DDC: variants seen among roughly 807,000 people sequenced by gnomAD.
DDC encodes the protein dopa decarboxylase.
In DDC, 43 loss-of-function variants were observed where a neutral mutation model predicts 60.0. That is an observed-to-expected ratio of 0.72 (90% CI 0.56 to 0.92). The LOEUF is 0.92. DDC is among the 40% of genes least tolerant of loss of function. DDC has a pLI of 0.00. For missense variants in DDC, 573 were observed against 620.2 expected, an observed-to-expected ratio of 0.92 and a Z score of 0.81; for synonymous variants, 232 against 234.6, an observed-to-expected ratio of 0.99 and a Z score of 0.10.
intron 6 of DDC, 49 bp downstream of exon 6, chr7:50,528,088 A>G (rs777022855): frequency 1.6e-5 from 26 of 1,603,834 alleles, no homozygotes; most frequent in Non-Finnish European, 2.0e-5. Flanking sequence ...TTTAGTAGAG[A>G]CGGAGTTTCA....
rs1196743969 is a variant in DDC at position 50,540,033 on chromosome 7, A to G, written c.202-5T>C. On this transcript the variant is annotated splice_region_variant and splice_polypyrimidine_tract_variant and intron_variant, in intron 2 of 14. Coordinates refer to ENST00000444124, the MANE Select transcript of DDC (RefSeq NM_001082971.2). ...GGGGCTGTGCCAGTGCGTCACCTGCATGGGAGGACAGAGCAGCTGCTGAGG... is the reference window on the plus strand; with the variant it reads ...GGGGCTGTGCCAGTGCGTCACCTGCGTGGGAGGACAGAGCAGCTGCTGAGG... 2 of 1,608,074 alleles carry G rather than the reference A, an allele frequency of 1.2e-6. No individual in the cohort carries two copies. The highest frequency in any genetic ancestry group is 1.7e-5 in the Admixed American group (1 of 59,788).
chr7:50,474,526 G>A (rs186868408), intron 11 of DDC, among the ~76,000 whole-genome samples: 1 of 152,200 alleles, frequency 6.6e-6, no homozygotes, highest in Non-Finnish European at 1.5e-5. Flanking sequence ...TCCTGCAGGC[G>A]GGTGCCAGTA....
intron 3 of DDC, 89 bp from the exon 4 acceptor site, chr7:50,538,068 T>G: frequency 6.7e-7 from 1 of 1,500,802 alleles, no homozygotes; most frequent in South Asian, 1.1e-5. Context: ...AACCTTCCAC[T>G]AAAGCCCAGA....
intron 1 of DDC, among the ~76,000 whole-genome samples, chr7:50,551,257 G>A (rs978709594): frequency 6.7e-6 from 1 of 148,170 alleles, no homozygotes; most frequent in African/African-American, 2.5e-5. Flanking sequence ...TTGAGACGGG[G>A]CCTCACTCTG....
intron 4 of DDC, among the ~76,000 whole-genome samples, chr7:50,532,860 C>G (rs767708465): frequency 4.7e-4 from 72 of 151,978 alleles, no homozygotes; most frequent in Admixed American, 7.9e-4. Flanking sequence ...TTGTTTTGTT[C>G]CATTTGGATT....
intron 14 of DDC, among the ~76,000 whole-genome samples, chr7:50,460,788 C>T (rs1181586273): frequency 1.3e-5 from 2 of 151,744 alleles, no homozygotes; most frequent in Non-Finnish European, 2.9e-5. Flanking sequence ...GCTGTGTCCA[C>T]TCAGGGTTAA....
At chr7:50,470,510 G>A (rs116640007) in intron 11 of DDC, among the ~76,000 whole-genome samples, 353 of 152,328 alleles carry the variant, frequency 2.3e-3, no homozygotes, top group African/African-American at 7.8e-3. Context: ...GGGAAGACAC[G>A]GCCCTGCCCC....
At chr7:50,539,407 G>A (rs1318085587) in intron 3 of DDC, among the ~76,000 whole-genome samples, 1 of 152,162 alleles carries the variant, frequency 6.6e-6, no homozygotes, top group Non-Finnish European at 1.5e-5. Flanking sequence ...TCCAGATAGG[G>A]TGGGACTGGT....
chr7:50,467,138 G>T, intron 13 of DDC, 76 bp downstream of exon 13: 2 of 1,289,962 alleles, frequency 1.6e-6, no homozygotes, highest in Non-Finnish European at 2.2e-6. Context: ...CAGTGTTTGA[G>T]CATGGAGGTA....
chr7:50,512,719 G>A (rs1026880183), intron 6 of DDC, among the ~76,000 whole-genome samples: 2 of 152,226 alleles, frequency 1.3e-5, no homozygotes, highest in African/African-American at 2.4e-5. Context: ...TGTACACCCT[G>A]CCCATTGCTG....
chr7:50,526,031 AG>A (rs2044028905), intron 6 of DDC, among the ~76,000 whole-genome samples: 1 of 152,134 alleles, frequency 6.6e-6, no homozygotes, highest in Non-Finnish European at 1.5e-5. Context: ...AACTTTGGGA[AG>A]ATAATAGGTT....
chr7:50,462,135 C>T (rs1027722014), intron 14 of DDC, among the ~76,000 whole-genome samples: 18 of 143,610 alleles, frequency 1.3e-4, no homozygotes, highest in African/African-American at 3.4e-4. Context: ...TTATAATGAA[C>T]GAGCCATTGC....
chr7:50,467,421 C>T (rs1398377133), intron 12 of DDC, 106 bp from the exon 13 acceptor site: 2 of 950,914 alleles, frequency 2.1e-6, no homozygotes, highest in Non-Finnish European at 3.3e-6. Flanking sequence ...CATTTAGACG[C>T]TCTTGGCAAT....
chr7:50,492,619 G>T, intron 9 of DDC: 1 of 1,021,178 alleles, frequency 9.8e-7, no homozygotes, highest in South Asian at 2.7e-5. Flanking sequence ...TCTTGTGGCA[G>T]ACTTCCAGAC....
intron 9 of DDC, among the ~76,000 whole-genome samples, chr7:50,491,073 T>C (rs892373845): frequency 2.0e-5 from 3 of 152,374 alleles, no homozygotes; most frequent in African/African-American, 4.8e-5. Flanking sequence ...GAAAATAATG[T>C]TGTCAGTTTT....
chr7:50,492,618 A>C (rs2043022015), intron 9 of DDC: 1 of 1,013,942 alleles, frequency 9.9e-7, no homozygotes, highest in Non-Finnish European at 1.2e-6. Context: ...CTCTTGTGGC[A>C]GACTTCCAGA....
chr7:50,563,437 G>A (rs1452221781), intron 1 of DDC, among the ~76,000 whole-genome samples: 2 of 151,962 alleles, frequency 1.3e-5, no homozygotes, highest in Admixed American at 1.3e-4. Context: ...CTAATGTTTT[G>A]TTTGCTAAAT....
intron 13 of DDC, among the ~76,000 whole-genome samples, chr7:50,466,725 C>T (rs2042407158): frequency 6.6e-6 from 1 of 152,184 alleles, no homozygotes; most frequent in Admixed American, 6.5e-5. Context: ...AACAGCACGC[C>T]ACAACACAGT....
intron 6 of DDC, among the ~76,000 whole-genome samples, chr7:50,525,971 T>C (rs2044026946): frequency 6.6e-6 from 1 of 150,412 alleles, no homozygotes; most frequent in Non-Finnish European, 1.5e-5. Context: ...ATTTAACATA[T>C]ACATAATCAG....
Sources: allele counts gnomAD v4.1 joint callset (sites outside exome capture counted in the v4.1 genomes callset), GRCh38; gene constraint gnomAD v4.1.1; transcripts MANE v1.5; gene names NCBI Gene and HGNC (gene_info 2026-07-23, HGNC 2026-07-21).